The following GRIN2A variants were observed in gnomAD, a reference collection of about 807,000 sequenced individuals.
The protein encoded by GRIN2A is glutamate receptor ionotropic, NMDA 2A.
GRIN2A carries 22 observed loss-of-function variants against 113.4 expected under a neutral mutation model. The ratio of observed to expected loss-of-function variants is 0.19; its 90% CI spans 0.14 to 0.28. The LOEUF is 0.28. Ranked by LOEUF, GRIN2A falls within the 10% of genes least tolerant of loss-of-function variation. GRIN2A has a pLI of 1.00. For missense variants in GRIN2A, 1,502 were observed against 1,887.0 expected (o/e 0.80, Z 3.78); for synonymous variants, 827 against 738.4 (o/e 1.12, Z -1.94).
intron 3 of GRIN2A, among the ~76,000 whole-genome samples, chr16:9,897,771 G>A (rs910819065): frequency 6.6e-6 from 1 of 152,120 alleles, no homozygotes; most frequent in Non-Finnish European, 1.5e-5. Flanking sequence ...CTAATGAACA[G>A]CTGTTCTAGA....
chr16:9,767,597 CAA>C (rs543380596), intron 12 of GRIN2A, among the ~76,000 whole-genome samples: 102 of 150,154 alleles, frequency 6.8e-4, no homozygotes, highest in African/African-American at 2.3e-3. Flanking sequence ...AAAAAAAACA[CAA>C]ACAAAACAAA....
intron 7 of GRIN2A, among the ~76,000 whole-genome samples, chr16:9,838,923 G>A (rs1436565857): frequency 6.6e-6 from 1 of 152,142 alleles, no homozygotes; most frequent in Admixed American, 6.6e-5. Context: ...GAGGATGGGA[G>A]GGAGATGAGT....
At chr16:10,174,809 C>A (rs546022231) in intron 2 of GRIN2A, among the ~76,000 whole-genome samples, 3 of 151,150 alleles carry the variant, frequency 2.0e-5, no homozygotes, top group Non-Finnish European at 2.9e-5. Context: ...ATTGAAGAAA[C>A]CTTCCCAAAC....
chr16:9,914,610 G>A (rs1312636297), intron 3 of GRIN2A, among the ~76,000 whole-genome samples: 1 of 152,188 alleles, frequency 6.6e-6, no homozygotes, highest in Non-Finnish European at 1.5e-5. Context: ...TGGCTCAGAA[G>A]TTAGGCTTAT....
At chr16:10,044,985 A>T (rs1293574482) in intron 2 of GRIN2A, among the ~76,000 whole-genome samples, 1 of 152,212 alleles carries the variant, frequency 6.6e-6, no homozygotes, top group Non-Finnish European at 1.5e-5. Flanking sequence ...AGCAATTCAA[A>T]GACACTGCTT....
chr16:10,033,296 C>T (rs2046964026), intron 2 of GRIN2A, among the ~76,000 whole-genome samples: 1 of 152,166 alleles, frequency 6.6e-6, no homozygotes, highest in Non-Finnish European at 1.5e-5. Context: ...CACTGTAGAG[C>T]TTTGGCTGTA....
chr16:9,962,494 C>CA (rs1555458515), intron 2 of GRIN2A, among the ~76,000 whole-genome samples: 1 of 151,940 alleles, frequency 6.6e-6, no homozygotes, highest in Non-Finnish European at 1.5e-5. Context: ...TTTATGCAGC[C>CA]AAAAAACACA....
chr16:9,979,785 C>CTATATATATATATATA lies in GRIN2A; in HGVS notation c.415-41250_415-41235dup, dbSNP rs71157796. Among the ~76,000 whole-genome samples the CTATATATATATATATA allele has an allele frequency of 6.5e-3, 792 of 122,118 alleles. 7 individuals are homozygous for CTATATATATATATATA. The highest frequency in any genetic ancestry group is 0.015 in the South Asian group (46 of 3,134). 80.1% of individuals were successfully genotyped at this position (122,118 alleles called of 152,430 possible). ...TATATACATATAAGGGACTATGGGA[C>CTATATATATATATATA]TATATATATATATATATATATATAT... is the stretch of plus-strand genomic sequence containing the variant. On this transcript the variant is annotated intron_variant, in intron 2 of 12. Coordinates refer to ENST00000330684, the MANE Select transcript of GRIN2A (RefSeq NM_001134407.3).
chr16:9,852,781 G>C (rs1052265821), intron 4 of GRIN2A, among the ~76,000 whole-genome samples: 2 of 152,130 alleles, frequency 1.3e-5, no homozygotes, highest in South Asian at 2.1e-4. Flanking sequence ...CACTTTCCCT[G>C]CCTATATTCC....
intron 2 of GRIN2A, among the ~76,000 whole-genome samples, chr16:10,152,249 G>A (rs1365284045): frequency 1.3e-5 from 2 of 152,294 alleles, no homozygotes; most frequent in East Asian, 3.9e-4. Flanking sequence ...GTTAGGAAGA[G>A]TCAGGGTTAA....
chr16:9,769,525 C>G (rs1901136844), intron 11 of GRIN2A, among the ~76,000 whole-genome samples: 1 of 149,940 alleles, frequency 6.7e-6, no homozygotes, highest in Admixed American at 6.7e-5. Context: ...CCCCCAATAC[C>G]CACCCAAGCT....
At chr16:9,782,005 A>C (rs1901966599) in intron 11 of GRIN2A, among the ~76,000 whole-genome samples, 1 of 152,196 alleles carries the variant, frequency 6.6e-6, no homozygotes, top group South Asian at 2.1e-4. Flanking sequence ...TATAACCAAT[A>C]ATTATAATTA....
In GRIN2A at chr16:10,014,879, GA is replaced by G. The variant is rs573345056; in HGVS notation, c.415-76329del. 1.1e-4 allele frequency among the ~76,000 whole-genome samples: 16 copies of G among 151,776 alleles called. 1 individual carries two copies. In the South Asian group the frequency reaches 2.3e-3, roughly 22 times the overall value. ...ATAGGAACATGACATTTATATTTCA[GA>G]AAAAAAAATTTAGCATCTACAGGAG... On this transcript the variant is annotated intron_variant, in intron 2 of 12. Transcript: ENST00000330684.
chr16:9,906,738 G>A (rs2044035359), intron 3 of GRIN2A, among the ~76,000 whole-genome samples: 1 of 152,214 alleles, frequency 6.6e-6, no homozygotes, highest in African/African-American at 2.4e-5. Context: ...AAGATAACAA[G>A]TCCATCCTTT....
intron 5 of GRIN2A, among the ~76,000 whole-genome samples, chr16:9,846,356 TTCAAAGAGGCTGACA>T (rs1226847727): frequency 1.3e-5 from 2 of 152,308 alleles, no homozygotes; most frequent in Non-Finnish European, 2.9e-5. Context: ...GGATTTCAAC[TTCAAAGAGGCTGACA>T]TTTGTGACCT....
intron 8 of GRIN2A, among the ~76,000 whole-genome samples, chr16:9,829,881 AAAAG>A (rs772854368): frequency 6.6e-6 from 1 of 152,198 alleles, no homozygotes; most frequent in African/African-American, 2.4e-5. Flanking sequence ...TTTCTTTAAA[AAAAG>A]AAAGGAAACG....
At chr16:9,919,454 G>C (rs1395282772) in intron 3 of GRIN2A, among the ~76,000 whole-genome samples, 5 of 152,166 alleles carry the variant, frequency 3.3e-5, no homozygotes, top group Non-Finnish European at 5.9e-5. Flanking sequence ...GCACTGTAGT[G>C]AGATGCATGG....
intron 2 of GRIN2A, among the ~76,000 whole-genome samples, chr16:9,971,501 C>G (rs1161729627): frequency 6.6e-6 from 1 of 152,182 alleles, no homozygotes; most frequent in African/African-American, 2.4e-5. Context: ...CTAGTAGAGC[C>G]CAGTCAACCC....
intron 11 of GRIN2A, among the ~76,000 whole-genome samples, chr16:9,773,904 G>A (rs1035429374): frequency 1.3e-5 from 2 of 152,200 alleles, no homozygotes; most frequent in African/African-American, 4.8e-5. Flanking sequence ...CAGAGTAATA[G>A]AGTTTCAGGA....
Sources: gnomAD v4.1 joint callset for allele counts (sites outside exome capture counted in the v4.1 genomes callset) on GRCh38, gnomAD v4.1.1 for gene constraint, MANE v1.5 for transcripts, NCBI Gene and HGNC (gene_info 2026-07-23, HGNC 2026-07-21) for gene names.